The following ZFR2 variants were observed in gnomAD, a reference collection of about 807,000 sequenced individuals.
The protein encoded by ZFR2 is zinc finger RNA binding protein 2, also known as zinc finger RNA-binding protein 2.
ZFR2 carries 104 observed loss-of-function variants against 105.7 expected under a neutral mutation model. The ratio of observed to expected loss-of-function variants is 0.98; its 90% CI spans 0.84 to 1.16. The LOEUF is 1.16. ZFR2 is among the 50% of genes most tolerant of loss of function. The probability of loss-of-function intolerance (pLI) is 0.00; values close to 1 mark genes in which losing one functional copy is unlikely to be tolerated. For synonymous variants in ZFR2, 634 were observed against 597.7 expected, an observed-to-expected ratio of 1.06 and a Z score of -0.89; for missense variants, 1,425 against 1,355.5, an observed-to-expected ratio of 1.05 and a Z score of -0.80.
At chr19:3,868,711 G>A (rs1273908367) in intron 1 of ZFR2, among the ~76,000 whole-genome samples, 1 of 146,412 alleles carries the variant, frequency 6.8e-6, no homozygotes, top group East Asian at 2.1e-4. Flanking sequence ...GCCCCCTCCC[G>A]CTCCCGCCGA....
chr19:3,867,146 G>GC (rs1463458194), intron 1 of ZFR2, among the ~76,000 whole-genome samples: 2 of 151,664 alleles, frequency 1.3e-5, no homozygotes, highest in Non-Finnish European at 2.9e-5. Flanking sequence ...CACCGCGGGG[G>GC]GCAAAGACCC....
chr19:3,825,227 T>C lies in ZFR2; in HGVS notation c.1213+3A>G, dbSNP rs769245430. 16 of 1,528,372 alleles carry C rather than the reference T, an allele frequency of 1.0e-5. 1 individual carries two copies. In the South Asian group the frequency reaches 1.8e-4, roughly 17 times the overall value. 94.7% of individuals were successfully genotyped at this position (1,528,372 alleles called of 1,614,324 possible). A position where few individuals can be genotyped will look rare whatever the true frequency, so the allele number is the denominator to read the frequency against. ...ACACGAACACGCATACAGACACACG[T>C]ACCCTCGCATAAGGCCTTCGAGGCC... is the stretch of plus-strand genomic sequence containing the variant. On this transcript the variant is annotated splice_donor_region_variant and intron_variant, in intron 7 of 18. Transcript: ENST00000262961.
chr19:3,863,845 C>T (rs1013521416), intron 1 of ZFR2, among the ~76,000 whole-genome samples: 3 of 152,166 alleles, frequency 2.0e-5, no homozygotes, highest in Non-Finnish European at 2.9e-5. Context: ...TGGGCCCCCA[C>T]GTCAGTCCAG....
intron 1 of ZFR2, among the ~76,000 whole-genome samples, chr19:3,847,713 C>G (rs960959356): frequency 5.3e-5 from 8 of 152,182 alleles, no homozygotes; most frequent in Admixed American, 4.6e-4. Flanking sequence ...TTCTAGACTG[C>G]CTCACGTTGT....
chr19:3,830,118 A>C (rs1451484246), intron 5 of ZFR2, among the ~76,000 whole-genome samples: 1 of 151,010 alleles, frequency 6.6e-6, no homozygotes, highest in Non-Finnish European at 1.5e-5. Flanking sequence ...TGGGCAACAT[A>C]GTGAGACCCT....
chr19:3,849,371 A>G (rs1170661238), intron 1 of ZFR2, among the ~76,000 whole-genome samples: 2 of 152,234 alleles, frequency 1.3e-5, no homozygotes, highest in Non-Finnish European at 2.9e-5. Flanking sequence ...AACTGGCTCC[A>G]TGGCAGAGAT....
intron 1 of ZFR2, among the ~76,000 whole-genome samples, chr19:3,866,704 G>C (rs1176430458): frequency 6.6e-6 from 1 of 152,210 alleles, no homozygotes. Flanking sequence ...AAAGAAGGAA[G>C]AGCTAGCAGG....
intron 1 of ZFR2, chr19:3,855,370 G>C: frequency 8.1e-7 from 1 of 1,231,654 alleles, no homozygotes; most frequent in Non-Finnish European, 1.0e-6. Flanking sequence ...TTTGCGGGTT[G>C]CACTATGAGA....
rs1461673356 is a variant in ZFR2, at chr19:3,838,811, T to C, written c.54-3828A>G. Among the ~76,000 whole-genome samples the C allele has an allele frequency of 6.6e-6, 1 of 152,088 alleles. No individual in the cohort carries two copies. The highest frequency in any genetic ancestry group is 1.5e-5 in the Non-Finnish European group (1 of 68,024). On this transcript the variant is annotated intron_variant, in intron 1 of 18. Coordinates refer to ENST00000262961, the MANE Select transcript of ZFR2 (RefSeq NM_015174.2). This position sits in a 1 kb window ranked among gnomAD's most constrained non-coding sequence, Gnocchi z 4.9. ...GGCACCACCCAGTATACACTGCACG[T>C]CTGTCCACAGGCCGTCTCCTCCCTG... is the stretch of plus-strand genomic sequence containing the variant.
At chr19:3,839,553 A>C in intron 1 of ZFR2, among the ~76,000 whole-genome samples, 1 of 115,968 alleles carries the variant, frequency 8.6e-6, no homozygotes, top group Admixed American at 8.4e-5. Context: ...AAAAAAAAAA[A>C]AAAAAAAAAA....
intron 15 of ZFR2, 75 bp from the exon 16 acceptor site, chr19:3,810,920 A>G: frequency 6.8e-7 from 1 of 1,481,148 alleles, no homozygotes; most frequent in Non-Finnish European, 9.2e-7. Context: ...CTCTGTCGTG[A>G]GCGTGAACCC....
At position 3,831,576 on chromosome 19, in the gene ZFR2, A is replaced by G. The variant is rs1222321492; in HGVS notation, c.599-20T>C. ...TTGGTGCTGAGCAGCAGAGAAAACA[A>G]TGAGTCGGGGGGAGATGCTGATTCC... On this transcript the variant is annotated intron_variant, in intron 4 of 18. Transcript: ENST00000262961. The G allele has an allele frequency of 6.4e-7, 1 of 1,553,254 alleles. No individual in the cohort carries two copies. The highest frequency in any genetic ancestry group is 8.7e-7 in the Non-Finnish European group (1 of 1,148,534).
rs184157531 is a variant in ZFR2 at position 3,834,449 on chromosome 19, G to C, written c.264+324C>G. Among the ~76,000 whole-genome samples, 63 of 152,206 alleles carry C rather than the reference G, an allele frequency of 4.1e-4. 1 individual carries two copies. The East Asian group carries it at 0.011, about 27-fold the overall frequency. On this transcript the variant is annotated intron_variant, in intron 2 of 18. Coordinates refer to ENST00000262961, the MANE Select transcript of ZFR2 (RefSeq NM_015174.2). This position sits in a 1 kb window ranked among gnomAD's most constrained non-coding sequence, Gnocchi z 5.3. ...GAGGCCATCTGCCCTGACCAGGGAG[G>C]GGTCCTGTAACCCAGGCGACCCTCC...
At chr19:3,825,529 C>T (rs2037939989) in intron 6 of ZFR2, 122 bp from the exon 7 acceptor site, 1 of 1,275,846 alleles carries the variant, frequency 7.8e-7, no homozygotes, top group Non-Finnish European at 1.1e-6. Context: ...GTCCCAGGGA[C>T]CCCCCTCTCT....
chr19:3,822,291 C>T (rs935035083), intron 8 of ZFR2, 91 bp from the exon 9 acceptor site: 18 of 1,514,728 alleles, frequency 1.2e-5, no homozygotes, highest in Non-Finnish European at 1.5e-5. Context: ...GAGCCTTCCT[C>T]CTTGCTGCTC....
rs1568419180 is a variant in ZFR2, at chr19:3,816,855, C to G, written c.1932-10G>C. 6.4e-7 allele frequency: 1 copy of G among 1,552,090 alleles called. No homozygotes were observed. The highest frequency in any genetic ancestry group is 2.4e-5 in the East Asian group (1 of 41,124). The stretch of plus-strand genomic sequence containing the variant: ...CTGGGGGGCAACGCTGCTGTGGGGA[C>G]AAAGCCACAGACGTGCGCCATCAGC... On this transcript the variant is annotated splice_polypyrimidine_tract_variant and intron_variant, in intron 12 of 18. Transcript: ENST00000262961.
At chr19:3,841,529 A>T (rs576809359) in intron 1 of ZFR2, among the ~76,000 whole-genome samples, 2 of 151,026 alleles carry the variant, frequency 1.3e-5, no homozygotes, top group African/African-American at 2.4e-5. Context: ...TACAAAAAAT[A>T]AAAAAAAATT....
intron 5 of ZFR2, among the ~76,000 whole-genome samples, chr19:3,830,933 G>A (rs1284005807): frequency 6.6e-6 from 1 of 150,940 alleles, no homozygotes; most frequent in Non-Finnish European, 1.5e-5. Context: ...ACATACACAT[G>A]CAGGCATACA....
At chr19:3,809,390 C>G (rs181963505) in intron 16 of ZFR2, among the ~76,000 whole-genome samples, 1 of 152,168 alleles carries the variant, frequency 6.6e-6, no homozygotes, top group Non-Finnish European at 1.5e-5. Context: ...CTGTCCACCA[C>G]GTGGGGCCCG....
Sources: gnomAD v4.1 joint callset for allele counts (sites outside exome capture counted in the v4.1 genomes callset) on GRCh38, gnomAD v4.1.1 for gene constraint, Gnocchi (gnomAD v3.1) non-coding constraint, MANE v1.5 for transcripts, NCBI Gene and HGNC (gene_info 2026-07-23, HGNC 2026-07-21) for gene names.